NFIB: variants seen among roughly 807,000 people sequenced by gnomAD.
The protein encoded by NFIB is nuclear factor 1 B-type.
NFIB carries 11 observed loss-of-function variants against 61.5 expected under a neutral mutation model. That is an observed-to-expected ratio of 0.18 (90% confidence interval 0.11 to 0.30). The LOEUF is 0.30. NFIB is among the 10% of genes least tolerant of loss of function. NFIB has a pLI of 1.00. For synonymous variants in NFIB, 260 were observed against 216.5 expected (o/e 1.20, Z -1.76); for missense variants, 471 against 608.9 (o/e 0.77, Z 2.38).
intron 1 of NFIB, among the ~76,000 whole-genome samples, chr9:14,347,921 C>T (rs1380140358): frequency 1.3e-5 from 2 of 152,174 alleles, no homozygotes; most frequent in African/African-American, 4.8e-5. Flanking sequence ...TGGAGCGACG[C>T]GCGTAGTTTC....
intron 3 of NFIB, among the ~76,000 whole-genome samples, chr9:14,161,653 T>A (rs371272296): frequency 1.3e-5 from 2 of 152,252 alleles, no homozygotes; most frequent in East Asian, 3.9e-4. Flanking sequence ...TGTATCATAC[T>A]TTATATTAAC....
chr9:14,101,921 T>C (rs537177994), intron 10 of NFIB, among the ~76,000 whole-genome samples: 240 of 152,354 alleles, frequency 1.6e-3, no homozygotes, highest in Non-Finnish European at 3.0e-3. Flanking sequence ...TTATGGGTGC[T>C]GTCAATAACA....
chr9:14,387,963 G>A (rs1424148314), intron 1 of NFIB, among the ~76,000 whole-genome samples: 1 of 152,134 alleles, frequency 6.6e-6, no homozygotes, highest in Non-Finnish European at 1.5e-5. Context: ...CTACCCAACT[G>A]TGAGGCACTG....
intron 2 of NFIB, among the ~76,000 whole-genome samples, chr9:14,187,512 C>A (rs1477089779): frequency 3.3e-5 from 5 of 152,098 alleles, no homozygotes; most frequent in Admixed American, 3.3e-4. Context: ...CACTTAAGAT[C>A]TTCATGATAA....
chr9:14,157,510 T>C (rs1034079770), intron 3 of NFIB, among the ~76,000 whole-genome samples: 1 of 152,192 alleles, frequency 6.6e-6, no homozygotes, highest in African/African-American at 2.4e-5. Flanking sequence ...CTGAAAAATA[T>C]ATATACATTT....
intron 3 of NFIB, among the ~76,000 whole-genome samples, chr9:14,157,034 T>C (rs1019253061): frequency 6.6e-6 from 1 of 152,130 alleles, no homozygotes; most frequent in Non-Finnish European, 1.5e-5. Flanking sequence ...AGTTATGAAA[T>C]CTTGGCTAGG....
chr9:14,125,174 T>C (rs1418164106), intron 7 of NFIB, among the ~76,000 whole-genome samples: 4 of 152,246 alleles, frequency 2.6e-5, no homozygotes, highest in Non-Finnish European at 4.4e-5. Context: ...TTTTTTCTTT[T>C]TGAGATGGAG....
At chr9:14,125,923 G>A (rs1022315104) in intron 6 of NFIB, among the ~76,000 whole-genome samples, 157 bp from the exon 7 acceptor site, 1 of 152,114 alleles carries the variant, frequency 6.6e-6, no homozygotes, top group Non-Finnish European at 1.5e-5. Context: ...CAGCTGTCTT[G>A]GAGCTCTGAA....
intron 2 of NFIB, among the ~76,000 whole-genome samples, chr9:14,295,521 C>T (rs957691807): frequency 6.6e-6 from 1 of 152,036 alleles, no homozygotes; most frequent in Admixed American, 6.6e-5. Flanking sequence ...GTCCCAGCTA[C>T]TCGGCAAGCT....
At chr9:14,089,425 T>G (rs1160256136) in intron 10 of NFIB, among the ~76,000 whole-genome samples, 1 of 151,474 alleles carries the variant, frequency 6.6e-6, no homozygotes, top group Non-Finnish European at 1.5e-5. Context: ...AATCTCCCTT[T>G]AAAAAGTATC....
chr9:14,523,441 T>C, the NFIB span, among the ~76,000 whole-genome samples: 2 of 152,088 alleles, frequency 1.3e-5, no homozygotes, highest in Admixed American at 1.3e-4. Flanking sequence ...TTGAGGTTTC[T>C]GTTATTCCTG....
At chr9:14,381,558 G>C (rs897548640) in intron 1 of NFIB, among the ~76,000 whole-genome samples, 2 of 152,158 alleles carry the variant, frequency 1.3e-5, no homozygotes, top group African/African-American at 4.8e-5. Flanking sequence ...CCAATGTCTG[G>C]GAATTCTAAG....
intron 2 of NFIB, among the ~76,000 whole-genome samples, chr9:14,183,934 T>C (rs991421560): frequency 5.3e-5 from 8 of 152,174 alleles, no homozygotes; most frequent in African/African-American, 1.9e-4. Context: ...TATTTCTAAA[T>C]TACTATATTT....
At chr9:14,129,509 C>A (rs1411415045) in intron 6 of NFIB, among the ~76,000 whole-genome samples, 1 of 151,272 alleles carries the variant, frequency 6.6e-6, no homozygotes, top group African/African-American at 2.4e-5. Context: ...ACATTTTAAT[C>A]ATGAACCAAA....
intron 2 of NFIB, among the ~76,000 whole-genome samples, chr9:14,237,453 A>G (rs999612139): frequency 1.3e-5 from 2 of 151,888 alleles, no homozygotes. Context: ...CCTAAGATAT[A>G]CCATTGCCCA....
intron 2 of NFIB, among the ~76,000 whole-genome samples, chr9:14,207,344 T>A (rs1005552358): frequency 2.6e-5 from 4 of 152,184 alleles, no homozygotes; most frequent in Non-Finnish European, 4.4e-5. Context: ...CTTAGTCAAT[T>A]TTTTCTAATT....
At chr9:14,111,248 G>C (rs559373627) in intron 10 of NFIB, among the ~76,000 whole-genome samples, 32 of 152,194 alleles carry the variant, frequency 2.1e-4, no homozygotes, top group African/African-American at 7.5e-4. Flanking sequence ...ATATGTGAAA[G>C]AAGTAATTCT....
At chr9:14,457,148 C>T in the NFIB span, among the ~76,000 whole-genome samples, 52,949 of 151,948 alleles carry the variant, frequency 0.35, 10,004 homozygotes, top group Admixed American at 0.48. Flanking sequence ...TGAACATACA[C>T]GTAAGTACAG....
intron 2 of NFIB, among the ~76,000 whole-genome samples, chr9:14,299,038 G>A (rs1588207831): frequency 6.6e-6 from 1 of 152,162 alleles, no homozygotes; most frequent in Admixed American, 6.5e-5. Flanking sequence ...GTTGTCCTAC[G>A]AAGGAACATT....
Sources: gnomAD v4.1 joint callset for allele counts (sites outside exome capture counted in the v4.1 genomes callset) on GRCh38, gnomAD v4.1.1 for gene constraint, MANE v1.5 for transcripts, NCBI Gene and HGNC (gene_info 2026-07-23, HGNC 2026-07-21) for gene names.